Variants in IMPG1 observed in about 807,000 individuals in gnomAD.
The protein encoded by IMPG1 is interphotoreceptor matrix proteoglycan 1.
Under a neutral mutation model 92.0 loss-of-function variants are expected in IMPG1, and 85 were observed. The ratio of observed to expected loss-of-function variants is 0.92; its 90% CI spans 0.78 to 1.11. The LOEUF is 1.11. IMPG1 is among the 50% of genes least tolerant of loss of function. IMPG1 has a pLI of 0.00. For missense variants in IMPG1, 1,022 were observed against 956.0 expected (o/e 1.07, Z -0.91); for synonymous variants, 367 against 334.1 (o/e 1.10, Z -1.08).
At chr6:75,933,033 A>G (rs6924649) in intron 14 of IMPG1, among the ~76,000 whole-genome samples, 143,065 of 152,228 alleles carry the variant, frequency 0.94, 67,793 homozygotes, top group East Asian at 1. Flanking sequence ...CCCAGAGCAC[A>G]TGTACAAGAC....
chr6:75,965,771 C>T (rs1244073015), intron 12 of IMPG1, among the ~76,000 whole-genome samples: 1 of 152,006 alleles, frequency 6.6e-6, no homozygotes, highest in Non-Finnish European at 1.5e-5. Flanking sequence ...TCACGCCCAG[C>T]TAATTTTTTG....
chr6:76,041,243 T>A (rs73468820), intron 2 of IMPG1, among the ~76,000 whole-genome samples: 6,150 of 152,266 alleles, frequency 0.04, 445 homozygotes, highest in African/African-American at 0.14. Flanking sequence ...TCCTTAATGG[T>A]TTCTGGCAAT....
chr6:76,034,406 G>A, intron 3 of IMPG1, 63 bp from the exon 4 acceptor site: 2 of 1,474,670 alleles, frequency 1.4e-6, no homozygotes, highest in African/African-American at 1.4e-5. Flanking sequence ...AAGAGTTAAA[G>A]TCAATTTTCA....
chr6:76,016,208 G>T (rs1191648015), intron 7 of IMPG1, among the ~76,000 whole-genome samples: 1 of 152,152 alleles, frequency 6.6e-6, no homozygotes, highest in African/African-American at 2.4e-5. Context: ...TTAGGCCAGG[G>T]ATCTCCAATT....
chr6:76,003,983 T>A, intron 10 of IMPG1, 33 bp from the exon 11 acceptor site: 1 of 1,531,566 alleles, frequency 6.5e-7, no homozygotes, highest in East Asian at 2.3e-5. Flanking sequence ...TTTGAATGTA[T>A]CTTTCCTTTT....
Position 75,951,084 on chromosome 6 carries a change from C to G in IMPG1, c.1302G>C (p.Trp434Cys), listed in dbSNP as rs963760183. 1 of 1,604,384 alleles carries G rather than the reference C, an allele frequency of 6.2e-7. No homozygotes were observed. The highest frequency in any genetic ancestry group is 1.3e-5 in the African/African-American group (1 of 74,456). ...GAEHGLPDTS[W>C]SPPAMASTSL... ...AGGTAGAGGCCATAGCAGGTGGAGA[C>G]CAAGAAGTGTCTGTGGAGGAAGTAC... Residue 434 changes from tryptophan to cysteine, a missense_variant, in exon 13 of 17, where the codon TGG becomes TGC. Trp to Cys is a radical substitution (Grantham distance 215, BLOSUM62 -2). Transcript: ENST00000369950.
intron 15 of IMPG1, among the ~76,000 whole-genome samples, chr6:75,925,662 G>GTTTT (rs1340128136): frequency 1.2e-3 from 121 of 104,002 alleles, no homozygotes; most frequent in African/African-American, 4.0e-3. Flanking sequence ...CCCTATCTGT[G>GTTTT]TTTTTTATTT....
At chr6:75,934,189 A>G (rs1420353101) in intron 14 of IMPG1, among the ~76,000 whole-genome samples, 3 of 152,216 alleles carry the variant, frequency 2.0e-5, no homozygotes, top group Non-Finnish European at 4.4e-5. Context: ...ACTAAACAAA[A>G]GCTCAAATCC....
rs1465750158 is a variant in IMPG1, at chr6:76,023,275, G to T, written c.563-1056C>A. ...CCTGCTGTGAGCAATTGGGATGGAG[G>T]TGTTCTGTGCTCTGGACTTCATCAG... On this transcript the variant is annotated intron_variant, in intron 5 of 16. Coordinates refer to ENST00000369950, the MANE Select transcript of IMPG1 (RefSeq NM_001563.4). Among the ~76,000 whole-genome samples the T allele has an allele frequency of 2.6e-5, 4 of 152,174 alleles. No individual in the cohort carries two copies. In the East Asian group the frequency reaches 5.8e-4, roughly 22 times the overall value.
chr6:76,071,235 A>C (rs1784399261), intron 1 of IMPG1, among the ~76,000 whole-genome samples: 1 of 149,344 alleles, frequency 6.7e-6, no homozygotes, highest in Non-Finnish European at 1.5e-5. Flanking sequence ...CAATATATGA[A>C]AATAGAAAAA....
intron 1 of IMPG1, among the ~76,000 whole-genome samples, chr6:76,051,467 C>T (rs1407930355): frequency 1.3e-5 from 2 of 152,202 alleles, no homozygotes; most frequent in Admixed American, 6.5e-5. Flanking sequence ...TGCCCTCCTA[C>T]AGGTAGTTCT....
At chr6:76,068,498 A>T (rs1784348979) in intron 1 of IMPG1, among the ~76,000 whole-genome samples, 2 of 149,646 alleles carry the variant, frequency 1.3e-5, no homozygotes, top group Non-Finnish European at 3.0e-5. Flanking sequence ...CAATATTTTT[A>T]AAATGTCCAT....
Position 75,950,978 on chromosome 6 carries a change from T to C in IMPG1, c.1408A>G (p.Thr470Ala). ...TDQGTTDTMA[T>A]DQTMLVPGLT... is the part of the protein sequence containing the mutation. ...CCTGGTACTAGCATTGTCTGGTCAGTGGCCATTGTATCTGTGGTGCCTTGA... is the reference window on the plus strand; with the variant it reads ...CCTGGTACTAGCATTGTCTGGTCAGCGGCCATTGTATCTGTGGTGCCTTGA... Residue 470 changes from threonine (T) to alanine (A), a missense_variant, in exon 13 of 17, where the codon ACT (threonine) becomes GCT (alanine). Around this residue, in one of 3 missense-constraint regions of IMPG1, gnomAD observed 681 missense variants for 583.6 expected, o/e 1.17. Coordinates refer to ENST00000369950, the MANE Select transcript of IMPG1 (RefSeq NM_001563.4). The C allele has an allele frequency of 6.2e-7, 1 of 1,613,926 alleles. No homozygotes were observed. The highest frequency in any genetic ancestry group is 8.5e-7 in the Non-Finnish European group (1 of 1,179,924).
At chr6:76,052,206 G>A (rs574706363) in intron 1 of IMPG1, among the ~76,000 whole-genome samples, 2 of 152,100 alleles carry the variant, frequency 1.3e-5, no homozygotes, top group Admixed American at 6.6e-5. Context: ...TAAATGTCAG[G>A]GAGTGAAGAG....
chr6:76,034,260 A>C, intron 4 of IMPG1, 55 bp downstream of exon 4: 1 of 1,533,358 alleles, frequency 6.5e-7, no homozygotes, highest in Non-Finnish European at 9.0e-7. Flanking sequence ...ACTCCATTAT[A>C]TGATCTTTTT....
intron 5 of IMPG1, 127 bp downstream of exon 5, chr6:76,025,067 A>T: frequency 1.5e-6 from 1 of 668,786 alleles, no homozygotes; most frequent in Non-Finnish European, 2.7e-6. Context: ...AAAGTTAGAA[A>T]TATAAGCTAG....
intron 1 of IMPG1, among the ~76,000 whole-genome samples, chr6:76,059,261 C>A (rs552938217): frequency 4.6e-5 from 7 of 152,058 alleles, no homozygotes; most frequent in Middle Eastern, 6.8e-3. Context: ...CAAGTTACAC[C>A]CATTAAGCAA....
At chr6:75,926,198 C>T (rs574710983) in intron 15 of IMPG1, among the ~76,000 whole-genome samples, 3 of 152,284 alleles carry the variant, frequency 2.0e-5, no homozygotes, top group South Asian at 4.1e-4. Flanking sequence ...CCATACCTCA[C>T]TGTATGTTCC....
intron 14 of IMPG1, 52 bp downstream of exon 14, chr6:75,947,261 AT>A (rs3215818): frequency 0.53 from 749,776 of 1,421,394 alleles, 201,125 homozygotes; most frequent in South Asian, 0.61. Flanking sequence ...ACAGAACGAA[AT>A]TAAAAAAATG....
Sources: gnomAD v4.1 joint callset for allele counts (sites outside exome capture counted in the v4.1 genomes callset) on GRCh38, gnomAD v4.1.1 for gene constraint, gnomAD v4.1.1 regional missense constraint, MANE v1.5 for transcripts, NCBI Gene and HGNC (gene_info 2026-07-23, HGNC 2026-07-21) for gene names.